Variants in CTNND2 observed in about 807,000 individuals in gnomAD.
CTNND2 encodes the protein catenin delta 2.
In CTNND2, 22 loss-of-function variants were observed where a neutral mutation model predicts 144.4. That is an observed-to-expected ratio of 0.15 (90% CI 0.11 to 0.22). The LOEUF is 0.22. Ranked by LOEUF, CTNND2 falls within the 10% of genes least tolerant of loss-of-function variation. CTNND2 has a pLI of 1.00. For synonymous variants in CTNND2, 751 were observed against 695.6 expected, an observed-to-expected ratio of 1.08 and a Z score of -1.25; for missense variants, 1,353 against 1,618.8, an observed-to-expected ratio of 0.84 and a Z score of 2.82.
chr5:11,415,176 A>G (rs1029146626), intron 3 of CTNND2, among the ~76,000 whole-genome samples: 1 of 152,164 alleles, frequency 6.6e-6, no homozygotes, highest in Non-Finnish European at 1.5e-5. Context: ...GCTTTCTACA[A>G]TGGTTGCACA....
chr5:11,134,844 T>C (rs1755974302), intron 12 of CTNND2, among the ~76,000 whole-genome samples: 1 of 152,196 alleles, frequency 6.6e-6, no homozygotes, highest in Admixed American at 6.5e-5. Context: ...ACAATTTCCT[T>C]TTACTGCTTC....
At chr5:11,397,295 C>A in intron 5 of CTNND2, 92 bp from the exon 6 acceptor site, 1 of 1,038,106 alleles carries the variant, frequency 9.6e-7, no homozygotes. Context: ...AGAATTATCT[C>A]ATGCACATGA....
At chr5:11,406,243 C>T (rs910436040) in intron 5 of CTNND2, among the ~76,000 whole-genome samples, 6 of 152,164 alleles carry the variant, frequency 3.9e-5, no homozygotes, top group Admixed American at 6.5e-5. Flanking sequence ...GACTCAGACA[C>T]GCTTTCAGGA....
At chr5:11,309,615 G>A (rs750805547) in intron 9 of CTNND2, among the ~76,000 whole-genome samples, 27 of 152,156 alleles carry the variant, frequency 1.8e-4, no homozygotes, top group Admixed American at 5.2e-4. Flanking sequence ...TGAGACTCTG[G>A]ACTGAGGACT....
chr5:11,800,349 A>G (rs1283673288), intron 1 of CTNND2, among the ~76,000 whole-genome samples: 1 of 152,158 alleles, frequency 6.6e-6, no homozygotes, highest in African/African-American at 2.4e-5. Flanking sequence ...ACTAAAGAAA[A>G]GCTTGAAGAC....
chr5:10,975,417 TATCTATA>T (rs1401504802), intron 21 of CTNND2, among the ~76,000 whole-genome samples: 1 of 152,214 alleles, frequency 6.6e-6, no homozygotes, highest in Non-Finnish European at 1.5e-5. Context: ...TCTACATCAA[TATCTATA>T]ATCTATCATC....
chr5:11,283,342 T>C (rs1159935386), intron 9 of CTNND2, among the ~76,000 whole-genome samples: 1 of 151,956 alleles, frequency 6.6e-6, no homozygotes, highest in Non-Finnish European at 1.5e-5. Flanking sequence ...CAAAGAGATA[T>C]GTCAACTTCC....
intron 12 of CTNND2, among the ~76,000 whole-genome samples, chr5:11,128,003 G>C (rs2149710004): frequency 6.6e-6 from 1 of 151,748 alleles, no homozygotes; most frequent in Middle Eastern, 3.4e-3. Context: ...TGGAGTCTGT[G>C]AACAGGTTAC....
chr5:11,609,221 G>C (rs759880232), intron 2 of CTNND2, among the ~76,000 whole-genome samples: 1 of 151,858 alleles, frequency 6.6e-6, no homozygotes, highest in Non-Finnish European at 1.5e-5. Context: ...ATTTTTTGTT[G>C]CTTATGTTGT....
intron 2 of CTNND2, among the ~76,000 whole-genome samples, chr5:11,675,438 G>A (rs964677163): frequency 6.6e-6 from 1 of 152,046 alleles, no homozygotes; most frequent in African/African-American, 2.4e-5. Context: ...TGGGAGGGAG[G>A]AAAGGCAACC....
At chr5:11,178,937 T>C (rs1031571294) in intron 11 of CTNND2, among the ~76,000 whole-genome samples, 2 of 152,176 alleles carry the variant, frequency 1.3e-5, no homozygotes, top group Non-Finnish European at 2.9e-5. Context: ...GCTAGAAAAC[T>C]CTTATTTAAA....
chr5:11,389,535 T>C (rs776201037), intron 6 of CTNND2, among the ~76,000 whole-genome samples: 5 of 152,162 alleles, frequency 3.3e-5, no homozygotes, highest in South Asian at 2.1e-4. Context: ...TCTTGTGTAA[T>C]TGTAGATGCA....
At chr5:10,987,154 G>C (rs1390454968) in intron 20 of CTNND2, among the ~76,000 whole-genome samples, 1 of 152,198 alleles carries the variant, frequency 6.6e-6, no homozygotes, top group Non-Finnish European at 1.5e-5. Context: ...TCAGGGCTCC[G>C]GCAGCTTTGC....
chr5:11,005,579 A>G (rs759657765), intron 18 of CTNND2, among the ~76,000 whole-genome samples: 13 of 152,178 alleles, frequency 8.5e-5, no homozygotes, highest in Non-Finnish European at 1.9e-4. Flanking sequence ...TGAAAAATAG[A>G]GTGGAGATAA....
In CTNND2 at chr5:10,988,408, G is replaced by C. The variant is rs1738281283; in HGVS notation, c.3212-166C>G. Among the ~76,000 whole-genome samples the C allele has an allele frequency of 6.6e-6, 1 of 152,074 alleles. No homozygotes were observed. The highest frequency in any genetic ancestry group is 6.5e-5 in the Admixed American group (1 of 15,272). ...TTATTTTTTGGCAGTTTTGGCTCTT[G>C]TCCCTGCCCCATTCCCTCACCTGTG... On this transcript the variant is annotated intron_variant, in intron 19 of 21. Transcript: ENST00000304623. This position sits in a 1 kb window ranked among gnomAD's most constrained non-coding sequence, Gnocchi z 5.9.
chr5:11,013,387 T>C (rs1741291250), intron 18 of CTNND2, among the ~76,000 whole-genome samples: 1 of 152,216 alleles, frequency 6.6e-6, no homozygotes, highest in Non-Finnish European at 1.5e-5. Context: ...TTTGTATGCT[T>C]TTCTCTTGTT....
chr5:11,739,479 T>C (rs981206852), intron 1 of CTNND2, among the ~76,000 whole-genome samples: 7 of 152,190 alleles, frequency 4.6e-5, no homozygotes, highest in African/African-American at 1.4e-4. Flanking sequence ...ATGACTCTTA[T>C]GTGCTGCTGA....
intron 9 of CTNND2, among the ~76,000 whole-genome samples, chr5:11,261,418 A>G (rs1299362139): frequency 6.6e-6 from 1 of 152,212 alleles, no homozygotes; most frequent in Non-Finnish European, 1.5e-5. Flanking sequence ...CTGGCAAGCT[A>G]CCCAATGTCC....
intron 12 of CTNND2, among the ~76,000 whole-genome samples, chr5:11,120,243 G>A (rs1411425047): frequency 6.6e-6 from 1 of 152,166 alleles, no homozygotes; most frequent in Non-Finnish European, 1.5e-5. Flanking sequence ...ACTTCAAGAG[G>A]GGGTTATCAT....
Sources: gnomAD v4.1 joint callset for allele counts (sites outside exome capture counted in the v4.1 genomes callset) on GRCh38, gnomAD v4.1.1 for gene constraint, Gnocchi (gnomAD v3.1) non-coding constraint, MANE v1.5 for transcripts, NCBI Gene and HGNC (gene_info 2026-07-23, HGNC 2026-07-21) for gene names.